The following PALS2 variants were observed in gnomAD, a reference collection of about 807,000 sequenced individuals.
The protein encoded by PALS2 is protein PALS2.
Under a neutral mutation model 61.6 loss-of-function variants are expected in PALS2, and 27 were observed. The ratio of observed to expected loss-of-function variants is 0.44; its 90% CI spans 0.32 to 0.60. PALS2 has a LOEUF of 0.60. Among genes scored for constraint, PALS2 ranks in the 20% least tolerant of loss-of-function variants. PALS2 has a pLI of 0.05. For missense variants in PALS2, 554 were observed against 639.4 expected, an observed-to-expected ratio of 0.87 and a Z score of 1.44; for synonymous variants, 236 against 218.6, an observed-to-expected ratio of 1.08 and a Z score of -0.70.
rs183903906 is a variant in PALS2 at position 24,673,637 on chromosome 7, A to G, written c.1114+4977A>G. 2.5e-3 allele frequency among the ~76,000 whole-genome samples: 386 copies of G among 151,902 alleles called. 1 individual carries two copies. The highest frequency in any genetic ancestry group is 0.01 in the Middle Eastern group (3 of 294). On this transcript the variant is annotated intron_variant, in intron 9 of 11. Coordinates refer to ENST00000222644, the MANE Select transcript of PALS2 (RefSeq NM_001303037.2). ...CAGGATTTCTGCAGGGTTCATAGTAATGTTTTTTCTTTCATTTCTGATTTT... is the reference window on the plus strand; with the variant it reads ...CAGGATTTCTGCAGGGTTCATAGTAGTGTTTTTTCTTTCATTTCTGATTTT...
intron 5 of PALS2, among the ~76,000 whole-genome samples, chr7:24,655,725 A>G (rs572241390): frequency 7.1e-6 from 1 of 141,088 alleles, no homozygotes; most frequent in African/African-American, 2.7e-5. Flanking sequence ...CAGCAGCGTG[A>G]TCTTGGCTCA....
intron 2 of PALS2, 132 bp from the exon 3 acceptor site, chr7:24,641,584 G>A (rs79660577): frequency 0.058 from 40,329 of 700,482 alleles, 1,342 homozygotes; most frequent in African/African-American, 0.095. Context: ...TCTGGTTGAA[G>A]TATTAAATTT....
At chr7:24,686,005 A>T (rs1584017709) in intron 11 of PALS2, among the ~76,000 whole-genome samples, 2 of 152,144 alleles carry the variant, frequency 1.3e-5, no homozygotes, top group African/African-American at 4.8e-5. Context: ...TCTCACAGAC[A>T]TCTTAAGCTT....
intron 2 of PALS2, among the ~76,000 whole-genome samples, chr7:24,630,744 C>G (rs1784963601): frequency 6.6e-6 from 1 of 152,172 alleles, no homozygotes; most frequent in Non-Finnish European, 1.5e-5. Flanking sequence ...TCTGAAGATC[C>G]TAGAGCCCTT....
intron 3 of PALS2, among the ~76,000 whole-genome samples, chr7:24,648,168 C>A (rs956848261): frequency 1.3e-5 from 2 of 151,946 alleles, no homozygotes; most frequent in African/African-American, 4.8e-5. Flanking sequence ...TTTTCCCGAA[C>A]CTGTTAATAT....
chr7:24,601,963 C>T (rs1263443168), intron 1 of PALS2, among the ~76,000 whole-genome samples: 3 of 152,070 alleles, frequency 2.0e-5, no homozygotes, highest in Non-Finnish European at 4.4e-5. Flanking sequence ...CAACTTACAT[C>T]TTTCATTTCT....
intron 6 of PALS2, among the ~76,000 whole-genome samples, chr7:24,664,082 T>G (rs146023937): frequency 1.3e-5 from 2 of 152,252 alleles, no homozygotes; most frequent in African/African-American, 4.8e-5. Context: ...GTAGGAGACT[T>G]TTACTGTGAA....
intron 1 of PALS2, among the ~76,000 whole-genome samples, chr7:24,591,524 A>C (rs753322754): frequency 1.8e-4 from 28 of 152,188 alleles, no homozygotes; most frequent in Admixed American, 9.2e-4. Flanking sequence ...TAAGAATTAG[A>C]GTACAAAAAT....
Position 24,688,016 on chromosome 7 carries a change from G to C in PALS2, c.*402G>C, listed in dbSNP as rs1314125364. On this transcript the variant is annotated 3_prime_UTR_variant, in exon 12 of 12. Coordinates refer to ENST00000222644, the MANE Select transcript of PALS2 (RefSeq NM_001303037.2). ...AATAGTTTTGTAAAGCTGTCATTTA[G>C]TTCAGTATTCAAATAGTGAAGGGTT... 2 of 153,892 alleles carry C rather than the reference G, an allele frequency of 1.3e-5. No individual in the cohort carries two copies. The highest frequency in any genetic ancestry group is 4.8e-5 in the African/African-American group (2 of 41,470). 9.5% of individuals were successfully genotyped at this position (153,892 alleles called of 1,614,324 possible). A position where few individuals can be genotyped will look rare whatever the true frequency, so the allele number is the denominator to read the frequency against.
chr7:24,658,601 G>C (rs964340091), intron 5 of PALS2, among the ~76,000 whole-genome samples: 7 of 150,524 alleles, frequency 4.7e-5, no homozygotes, highest in Non-Finnish European at 8.9e-5. Flanking sequence ...TCTGTTGCCA[G>C]GCTGGAGTGC....
At chr7:24,595,832 TGAA>T (rs1783503990) in intron 1 of PALS2, among the ~76,000 whole-genome samples, 1 of 151,208 alleles carries the variant, frequency 6.6e-6, no homozygotes, top group Non-Finnish European at 1.5e-5. Context: ...TGTGACAAAA[TGAA>T]GAGAATATTG....
At chr7:24,624,155 A>C in intron 2 of PALS2, 1 of 1,275,556 alleles carries the variant, frequency 7.8e-7, no homozygotes, top group Non-Finnish European at 1.0e-6. Context: ...CCTACTTTTC[A>C]TGTAAGTTCT....
intron 11 of PALS2, among the ~76,000 whole-genome samples, chr7:24,683,569 A>C (rs992656659): frequency 6.7e-6 from 1 of 149,696 alleles, no homozygotes; most frequent in Non-Finnish European, 1.5e-5. Flanking sequence ...CTTCCTTGCT[A>C]TCTGGTAGAA....
At chr7:24,637,317 A>G (rs1269857439) in intron 2 of PALS2, among the ~76,000 whole-genome samples, 2 of 113,958 alleles carry the variant, frequency 1.8e-5, no homozygotes, top group African/African-American at 3.4e-5. Flanking sequence ...TTTTTTTTTC[A>G]GAGCAAAGCT....
intron 2 of PALS2, among the ~76,000 whole-genome samples, chr7:24,629,930 A>G (rs1471854876): frequency 1.3e-5 from 2 of 152,226 alleles, no homozygotes; most frequent in Non-Finnish European, 2.9e-5. Context: ...CAATTCCTCA[A>G]GGATCTAGAA....
Position 24,688,114 on chromosome 7 carries a change from C to T in PALS2, c.*500C>T, listed in dbSNP as rs1203375596. The T allele has an allele frequency of 1.3e-5, 2 of 152,354 alleles. No homozygotes were observed. Among genetic ancestry groups the T allele is most frequent in the Non-Finnish European group, 2.9e-5 (2 of 68,170 alleles). 9.4% of individuals were successfully genotyped at this position (152,354 alleles called of 1,614,324 possible). On this transcript the variant is annotated 3_prime_UTR_variant, in exon 12 of 12. Transcript: ENST00000222644. ...TTCTTACAAAAGCAGAATTTTAAGT[C>T]AGTGTTATAGCTAGTCTACTACCAT...
At chr7:24,685,175 C>G (rs1315188238) in intron 11 of PALS2, among the ~76,000 whole-genome samples, 2 of 152,028 alleles carry the variant, frequency 1.3e-5, no homozygotes, top group African/African-American at 4.8e-5. Flanking sequence ...TTGTACACCT[C>G]CCACTTATAA....
chr7:24,583,916 GT>G (rs1036308418), intron 1 of PALS2, among the ~76,000 whole-genome samples: 1 of 151,438 alleles, frequency 6.6e-6, no homozygotes, highest in Admixed American at 6.6e-5. Context: ...GCGGTGTTTG[GT>G]TTTTTGTTCT....
rs1283398583 is a variant in PALS2, at chr7:24,688,028, A to C, written c.*414A>C. ...AAGCTGTCATTTAGTTCAGTATTCA[A>C]ATAGTGAAGGGTTAGTCTTAATAGA... On this transcript the variant is annotated 3_prime_UTR_variant, in exon 12 of 12. Coordinates refer to ENST00000222644, the MANE Select transcript of PALS2 (RefSeq NM_001303037.2). The C allele has an allele frequency of 1.3e-5, 2 of 153,670 alleles. No individual in the cohort carries two copies. The highest frequency in any genetic ancestry group is 4.1e-4 in the South Asian group (2 of 4,878). The allele number at this position is 153,670 out of a possible 1,614,324, so 9.5% of individuals were successfully genotyped here.
Sources: allele counts gnomAD v4.1 joint callset (sites outside exome capture counted in the v4.1 genomes callset), GRCh38; gene constraint gnomAD v4.1.1; transcripts MANE v1.5; gene names NCBI Gene and HGNC (gene_info 2026-07-23, HGNC 2026-07-21).